Variants in CHP1 observed in about 807,000 individuals in gnomAD.
The protein encoded by CHP1 is calcineurin like EF-hand protein 1.
A neutral mutation model predicts 27.4 loss-of-function variants in CHP1; 11 were observed. That is an observed-to-expected ratio of 0.40 (90% CI 0.25 to 0.67). The LOEUF (loss-of-function observed/expected upper bound fraction) is 0.67, where lower values mean the gene tolerates loss of function less well. Among genes scored for constraint, CHP1 ranks in the 30% least tolerant of loss-of-function variants. The pLI is 0.38. For missense variants in CHP1, 169 were observed against 251.3 expected (o/e 0.67, Z 2.22); for synonymous variants, 89 against 87.4 (o/e 1.02, Z -0.10).
intron 4 of CHP1, among the ~76,000 whole-genome samples, chr15:41,263,196 A>G (rs2047442162): frequency 6.6e-6 from 1 of 152,256 alleles, no homozygotes. Flanking sequence ...TGCCTGGCAT[A>G]TACTAGGTAC....
chr15:41,241,698 G>A (rs2047307881), intron 1 of CHP1, among the ~76,000 whole-genome samples: 1 of 152,176 alleles, frequency 6.6e-6, no homozygotes, highest in African/African-American at 2.4e-5. Context: ...CAGCTTCGAG[G>A]GTGAAACCTG....
intron 1 of CHP1, among the ~76,000 whole-genome samples, chr15:41,241,878 C>T (rs1227594117): frequency 1.3e-5 from 2 of 152,152 alleles, no homozygotes; most frequent in African/African-American, 2.4e-5. Flanking sequence ...CTTTGGCCAC[C>T]CCTTTAAACC....
chr15:41,233,980 G>A (rs1341036183), intron 1 of CHP1, among the ~76,000 whole-genome samples: 2 of 149,810 alleles, frequency 1.3e-5, no homozygotes, highest in East Asian at 4.1e-4. Context: ...CAGGGTCTTT[G>A]CTCTGTCTCC....
At chr15:41,234,009 C>T (rs189922452) in intron 1 of CHP1, 2 of 152,276 alleles carry the variant, frequency 1.3e-5, no homozygotes, top group East Asian at 3.9e-4. Flanking sequence ...ACTGCAGTGG[C>T]TTGAGCATAG....
chr15:41,268,693 G>C (rs1320251349), intron 4 of CHP1, among the ~76,000 whole-genome samples: 1 of 149,860 alleles, frequency 6.7e-6, no homozygotes. Flanking sequence ...TGTAATCCCA[G>C]CACTTTGGGA....
At position 41,252,206 on chromosome 15, in the gene CHP1, G is replaced by A. The variant is rs888544163; in HGVS notation, c.141-4704G>A. Among the ~76,000 whole-genome samples, 37 of 148,662 alleles carry A rather than the reference G, an allele frequency of 2.5e-4. 1 individual carries two copies. The highest frequency in any genetic ancestry group is 8.5e-4 in the South Asian group (4 of 4,680). ...TTTTTTTTTTTTGAGACAGAGTCTCGCTCTGTTGCCCAGGCTGGAGTGGTA... is the reference window on the plus strand; with the variant it reads ...TTTTTTTTTTTTGAGACAGAGTCTCACTCTGTTGCCCAGGCTGGAGTGGTA... On this transcript the variant is annotated intron_variant, in intron 2 of 6. Transcript: ENST00000334660.
intron 2 of CHP1, among the ~76,000 whole-genome samples, chr15:41,248,710 T>C (rs1193260210): frequency 6.6e-6 from 1 of 151,968 alleles, no homozygotes; most frequent in Non-Finnish European, 1.5e-5. Flanking sequence ...GCCCGGAGTC[T>C]CAAGACCAGC....
intron 4 of CHP1, among the ~76,000 whole-genome samples, chr15:41,268,134 C>T (rs1276020330): frequency 6.6e-6 from 1 of 151,882 alleles, no homozygotes. Context: ...ATAGAGAAGA[C>T]GGGTGAATAA....
intron 1 of CHP1, among the ~76,000 whole-genome samples, chr15:41,239,794 G>A (rs2047296604): frequency 1.3e-5 from 2 of 148,942 alleles, no homozygotes; most frequent in Admixed American, 6.7e-5. Flanking sequence ...TTATTTTTTC[G>A]AGACAGAGTC....
At chr15:41,274,822 G>A (rs368958029) in intron 5 of CHP1, among the ~76,000 whole-genome samples, 4 of 135,338 alleles carry the variant, frequency 3.0e-5, no homozygotes, top group East Asian at 4.3e-4. Flanking sequence ...ATGGAGTCTC[G>A]CTCTGTTGCC....
chr15:41,237,448 C>G (rs1453906610), intron 1 of CHP1, among the ~76,000 whole-genome samples: 1 of 152,114 alleles, frequency 6.6e-6, no homozygotes, highest in Admixed American at 6.6e-5. Context: ...TTAATATTAT[C>G]TATCATTCAC....
At chr15:41,250,250 G>C (rs1464566081) in intron 2 of CHP1, among the ~76,000 whole-genome samples, 1 of 152,064 alleles carries the variant, frequency 6.6e-6, no homozygotes, top group Admixed American at 6.6e-5. Flanking sequence ...AAATTGATTT[G>C]CAATTTCCCT....
At chr15:41,259,106 T>A (rs937861580) in intron 3 of CHP1, among the ~76,000 whole-genome samples, 4 of 152,182 alleles carry the variant, frequency 2.6e-5, no homozygotes, top group Non-Finnish European at 5.9e-5. Flanking sequence ...TATGCTGAAT[T>A]CTTCCTTTTT....
rs147120669 is a variant in CHP1 at position 41,279,415 on chromosome 15, C to T, written c.*26C>T. On this transcript the variant is annotated 3_prime_UTR_variant, in exon 7 of 7. Coordinates refer to ENST00000334660, the MANE Select transcript of CHP1 (RefSeq NM_007236.5). ...AGGAGACCAAACTGTTCCTTGCGGT[C>T]TAGTATTTAAGAACTGGAACTTGAA... 7.0e-4 allele frequency: 1,118 copies of T among 1,602,492 alleles called. 7 individuals are homozygous for T. The African/African-American group carries it at 0.012, about 18-fold the overall frequency.
intron 5 of CHP1, among the ~76,000 whole-genome samples, chr15:41,273,570 G>A (rs1294582828): frequency 3.3e-5 from 5 of 151,626 alleles, no homozygotes; most frequent in Admixed American, 2.6e-4. Flanking sequence ...TAGTAGAGAC[G>A]GGGTTTCACC....
intron 2 of CHP1, among the ~76,000 whole-genome samples, chr15:41,255,932 G>A (rs2047398266): frequency 6.6e-6 from 1 of 152,100 alleles, no homozygotes; most frequent in Non-Finnish European, 1.5e-5. Flanking sequence ...CAGGAGAATC[G>A]CTTGAACCTG....
chr15:41,279,464 C>T lies in CHP1; in HGVS notation c.*75C>T. 2 of 1,201,852 alleles carry T rather than the reference C, an allele frequency of 1.7e-6. No homozygotes were observed. The highest frequency in any genetic ancestry group is 1.5e-5 in the African/African-American group (1 of 66,624). The allele number at this position is 1,201,852 out of a possible 1,614,324, so 74.4% of individuals were successfully genotyped here. On this transcript the variant is annotated 3_prime_UTR_variant, in exon 7 of 7. Coordinates refer to ENST00000334660, the MANE Select transcript of CHP1 (RefSeq NM_007236.5). ...AAAGTCCTCCTTCTACCAACTCCAC[C>T]TCCACCCCCTCATTCCCCTTCTCCC...
intron 2 of CHP1, among the ~76,000 whole-genome samples, chr15:41,255,639 C>T (rs939156666): frequency 2.0e-5 from 3 of 152,216 alleles, no homozygotes; most frequent in African/African-American, 7.2e-5. Context: ...CAAGCCACTA[C>T]ACTCCAGCCT....
rs1015612850 is a variant in CHP1, at chr15:41,252,233, A to G, written c.141-4677A>G. Among the ~76,000 whole-genome samples, 4 of 150,904 alleles carry G rather than the reference A, an allele frequency of 2.7e-5. No homozygotes were observed. The East Asian group carries it at 7.9e-4, about 30-fold the overall frequency. ...TCTGTTGCCCAGGCTGGAGTGGTAC[A>G]ATCTTGGCTGACTGCAACCTCCGCC... On this transcript the variant is annotated intron_variant, in intron 2 of 6. Coordinates refer to ENST00000334660, the MANE Select transcript of CHP1 (RefSeq NM_007236.5).
Sources: gnomAD v4.1 joint callset for allele counts (sites outside exome capture counted in the v4.1 genomes callset) on GRCh38, gnomAD v4.1.1 for gene constraint, MANE v1.5 for transcripts, NCBI Gene and HGNC (gene_info 2026-07-23, HGNC 2026-07-21) for gene names.